Variants in GNPTAB observed in about 807,000 individuals in gnomAD.
GNPTAB encodes the protein N-acetylglucosamine-1-phosphotransferase subunits alpha/beta.
A neutral mutation model predicts 136.6 loss-of-function variants in GNPTAB; 92 were observed. The observed-to-expected ratio is 0.67, with a 90% CI of 0.57 to 0.80. GNPTAB has a LOEUF of 0.80. Among genes scored for constraint, GNPTAB ranks in the 30% least tolerant of loss-of-function variants. The pLI is 0.00. For missense variants in GNPTAB, 1,343 were observed against 1,501.8 expected (o/e 0.89, Z 1.75); for synonymous variants, 512 against 535.1 (o/e 0.96, Z 0.60).
intron 1 of GNPTAB, among the ~76,000 whole-genome samples, chr12:101,801,833 G>A (rs571661279): frequency 7.9e-4 from 120 of 151,814 alleles, no homozygotes; most frequent in Admixed American, 3.0e-3. Flanking sequence ...GATTGAAGTC[G>A]GGCATTCGAG....
chr12:101,766,213 C>G lies in GNPTAB; in HGVS notation c.1490G>C (p.Gly497Ala). 1.2e-6 allele frequency: 2 copies of G among 1,614,126 alleles called. No individual in the cohort carries two copies. Among genetic ancestry groups the G allele is most frequent in the African/African-American group, 1.3e-5 (1 of 75,038 alleles). ...IGVGQPWQFG[G>A]GINSVSYCNQ... ...ACAGTAAGAGACACTGTTTATTCCT[C>G]CACCAAACTGCCAGGGCTGTCCAAC... The change falls in exon 12 of 21, where the codon GGA becomes GCA. Residue 497 changes from glycine to alanine, a missense_variant. Physicochemically the swap from Gly to Ala is moderately conservative, Grantham distance 60. Transcript: ENST00000299314.
intron 1 of GNPTAB, among the ~76,000 whole-genome samples, chr12:101,821,283 T>G (rs1870790334): frequency 6.6e-6 from 1 of 152,178 alleles, no homozygotes; most frequent in South Asian, 2.1e-4. Context: ...AGGGGCCTGG[T>G]ACAGTGCTCA....
At chr12:101,824,322 G>A (rs1870960203) in intron 1 of GNPTAB, among the ~76,000 whole-genome samples, 1 of 147,112 alleles carries the variant, frequency 6.8e-6, no homozygotes, top group South Asian at 2.1e-4. Flanking sequence ...AAGAGGGGAA[G>A]GCAGAGGTGA....
chr12:101,819,554 A>G (rs568059149), intron 1 of GNPTAB, among the ~76,000 whole-genome samples: 62 of 152,378 alleles, frequency 4.1e-4, no homozygotes, highest in African/African-American at 1.3e-3. Flanking sequence ...TCCTAAAAAA[A>G]TGAAGCAATT....
At position 101,759,362 on chromosome 12, in the gene GNPTAB, C is replaced by CAA. The variant is rs34183008; in HGVS notation, c.3249+666_3249+667dup. Among the ~76,000 whole-genome samples, 365 of 50,634 alleles carry CAA rather than the reference C, an allele frequency of 7.2e-3. 2 individuals are homozygous for CAA. The highest frequency in any genetic ancestry group is 0.011 in the Middle Eastern group (1 of 90). 33.2% of individuals were successfully genotyped at this position (50,634 alleles called of 152,430 possible). A position where few individuals can be genotyped will look rare whatever the true frequency, so the allele number is the denominator to read the frequency against. Reference sequence around the variant, plus strand: ...TGGGTGAAAGAGCGAGACTCCGTCTCAAAAAAAAAAAAAAAAAAAAGATTA... The same window carrying CAA: ...TGGGTGAAAGAGCGAGACTCCGTCTCAAAAAAAAAAAAAAAAAAAAAAGATTA... On this transcript the variant is annotated intron_variant, in intron 16 of 20. Coordinates refer to ENST00000299314, the MANE Select transcript of GNPTAB (RefSeq NM_024312.5).
At position 101,790,046 on chromosome 12, in the gene GNPTAB, G is replaced by C; in HGVS notation, c.215C>G (p.Pro72Arg). 2 of 1,614,080 alleles carry C rather than the reference G, an allele frequency of 1.2e-6. No homozygotes were observed. Among genetic ancestry groups the C allele is most frequent in the South Asian group, 1.1e-5 (1 of 91,076 alleles). Residue 72 changes from proline (P) to arginine (R), a missense_variant, in exon 3 of 21, where the codon CCC becomes CGC. Pro to Arg is a moderately radical substitution (Grantham distance 103). Transcript: ENST00000299314. ...GKSFQNRLCL[P>R]MPIDVVYTWV... Reference sequence around the variant, plus strand: ...GGTGTAAACAACGTCAATCGGCATGGGCAGACAAAGCCTAGGGCAAACCAA... The same window carrying C: ...GGTGTAAACAACGTCAATCGGCATGCGCAGACAAAGCCTAGGGCAAACCAA...
At chr12:101,823,818 T>C (rs1015639620) in intron 1 of GNPTAB, among the ~76,000 whole-genome samples, 1 of 152,164 alleles carries the variant, frequency 6.6e-6, no homozygotes, top group Admixed American at 6.6e-5. Flanking sequence ...CATATTAATA[T>C]ATCCATGCAA....
At chr12:101,790,439 G>A (rs528819216) in intron 2 of GNPTAB, among the ~76,000 whole-genome samples, 10 of 152,258 alleles carry the variant, frequency 6.6e-5, no homozygotes, top group Middle Eastern at 3.4e-3. Flanking sequence ...TGCAAATGCC[G>A]TCAAACATAG....
intron 7 of GNPTAB, among the ~76,000 whole-genome samples, chr12:101,777,016 T>C (rs978068009): frequency 6.6e-6 from 1 of 152,100 alleles, no homozygotes; most frequent in Admixed American, 6.6e-5. Flanking sequence ...GAGCTCTGGG[T>C]CTCCTTCCAA....
chr12:101,825,695 A>ATCACG (rs139234340), intron 1 of GNPTAB, among the ~76,000 whole-genome samples: 7,685 of 95,200 alleles, frequency 0.081, 639 homozygotes, highest in African/African-American at 0.31. Context: ...TATAAAATCC[A>ATCACG]TTACAAGTCA....
Position 101,759,074 on chromosome 12 carries a change from G to T in GNPTAB, c.3249+956C>A, listed in dbSNP as rs58784379. 3.2e-3 allele frequency among the ~76,000 whole-genome samples: 492 copies of T among 151,936 alleles called. 5 individuals carry two copies. The highest frequency in any genetic ancestry group is 0.011 in the African/African-American group (451 of 41,422). ...TTCTCCACCTAATTTTATTATATAAGAATTTTTCGCTGGGTGCAGTGGCTC... is the reference window on the plus strand; with the variant it reads ...TTCTCCACCTAATTTTATTATATAATAATTTTTCGCTGGGTGCAGTGGCTC... On this transcript the variant is annotated intron_variant, in intron 16 of 20. Coordinates refer to ENST00000299314, the MANE Select transcript of GNPTAB (RefSeq NM_024312.5).
rs530306890 is a variant in GNPTAB at position 101,830,914 on chromosome 12, G to T, written c.-239C>A. On this transcript the variant is annotated 5_prime_UTR_variant, in exon 1 of 21. Transcript: ENST00000299314. ...CGGCGGAGGCGGACCTGCGGCCGGC[G>T]AGGCGGCCGGCGCCGCCCGGGTCTG... is the stretch of plus-strand genomic sequence containing the variant. The T allele has an allele frequency of 2.7e-5, 4 of 147,486 alleles. No homozygotes were observed. Among genetic ancestry groups the T allele is most frequent in the Non-Finnish European group, 3.0e-5 (2 of 66,550 alleles). The allele number at this position is 147,486 out of a possible 1,614,324, so 9.1% of individuals were successfully genotyped here. A position where few individuals can be genotyped will look rare whatever the true frequency, so the allele number is the denominator to read the frequency against.
intron 1 of GNPTAB, among the ~76,000 whole-genome samples, chr12:101,824,445 T>C (rs1171633984): frequency 7.4e-6 from 1 of 135,680 alleles, no homozygotes; most frequent in East Asian, 2.3e-4. Context: ...TTCTTTTTTT[T>C]TTTTTTTTTT....
At chr12:101,801,620 C>T (rs1433529001) in intron 1 of GNPTAB, among the ~76,000 whole-genome samples, 1 of 150,820 alleles carries the variant, frequency 6.6e-6, no homozygotes, top group Non-Finnish European at 1.5e-5. Flanking sequence ...ACTCCTTCCT[C>T]TCTGGAACAG....
chr12:101,828,533 C>T (rs1420339351), intron 1 of GNPTAB, among the ~76,000 whole-genome samples: 3 of 152,120 alleles, frequency 2.0e-5, no homozygotes, highest in Non-Finnish European at 4.4e-5. Flanking sequence ...GTGGCACGCA[C>T]CTGTAATCCC....
intron 15 of GNPTAB, 152 bp from the exon 16 acceptor site, chr12:101,760,295 T>C: frequency 1.6e-6 from 1 of 640,966 alleles, no homozygotes; most frequent in Non-Finnish European, 2.8e-6. Context: ...AAAGGCACTC[T>C]AAGAAGAGCA....
At chr12:101,804,344 A>G (rs1222194173) in intron 1 of GNPTAB, among the ~76,000 whole-genome samples, 1 of 146,604 alleles carries the variant, frequency 6.8e-6, no homozygotes, top group Non-Finnish European at 1.5e-5. Flanking sequence ...AGAGAAAGAG[A>G]AAAAAAAAAA....
intron 1 of GNPTAB, among the ~76,000 whole-genome samples, chr12:101,811,638 C>CTT (rs34690912): frequency 4.0e-4 from 54 of 134,764 alleles, no homozygotes; most frequent in African/African-American, 1.2e-3. Flanking sequence ...GTGCTACACA[C>CTT]TTTTTTTTTT....
In GNPTAB at chr12:101,761,638, T is replaced by TC; in HGVS notation, c.2840dup (p.Phe948IlefsTer15). ...GAGCAGGGACTTTCCGCGATGTGAA[T>TC]CCAAACTTGCTATTTAGAATTTTAT... On this transcript the variant is annotated frameshift_variant, in exon 14 of 21. Transcript: ENST00000299314. LOFTEE classifies it high-confidence loss of function. The TC allele has an allele frequency of 6.2e-7, 1 of 1,614,194 alleles. No homozygotes were observed. The highest frequency in any genetic ancestry group is 1.1e-5 in the South Asian group (1 of 91,086).
Sources: gnomAD v4.1 joint callset for allele counts (sites outside exome capture counted in the v4.1 genomes callset) on GRCh38, gnomAD v4.1.1 for gene constraint, MANE v1.5 for transcripts, NCBI Gene and HGNC (gene_info 2026-07-23, HGNC 2026-07-21) for gene names.